ZNF429: variants seen among roughly 807,000 people sequenced by gnomAD.
ZNF429 encodes the protein zinc finger protein 429.
In ZNF429, 53 loss-of-function variants were observed where a neutral mutation model predicts 56.8. The observed-to-expected ratio is 0.93, with a 90% confidence interval of 0.75 to 1.17. ZNF429 has a LOEUF of 1.17. Ranked by LOEUF, ZNF429 falls within the 50% of genes most tolerant of loss-of-function variation. The pLI is 0.00. For missense variants in ZNF429, 849 were observed against 788.4 expected, an observed-to-expected ratio of 1.08 and a Z score of -0.92; for synonymous variants, 278 against 264.7, an observed-to-expected ratio of 1.05 and a Z score of -0.49.
intron 1 of ZNF429, among the ~76,000 whole-genome samples, chr19:21,506,520 G>A (rs2032165517): frequency 6.6e-6 from 1 of 150,818 alleles, no homozygotes; most frequent in Non-Finnish European, 1.5e-5. Flanking sequence ...AAATTGTAAA[G>A]CACCCAGCTG....
Position 21,531,127 on chromosome 19 carries a change from A to AC in ZNF429, c.226+443_226+444insC. Among the ~76,000 whole-genome samples, 3 of 104,698 alleles carry AC rather than the reference A, an allele frequency of 2.9e-5. 1 individual carries two copies. Among genetic ancestry groups the AC allele is most frequent in the African/African-American group, 1.1e-4 (3 of 27,836 alleles). The allele number at this position is 104,698 out of a possible 152,430, so 68.7% of individuals were successfully genotyped here. Reference sequence around the variant, plus strand: ...ATCTCAAAAAAAAAAAAAAAAAAAAAAACCAAAAAAAAAAAAACACCCGTC... The same window carrying AC: ...ATCTCAAAAAAAAAAAAAAAAAAAAACAACCAAAAAAAAAAAAACACCCGTC... On this transcript the variant is annotated intron_variant, in intron 3 of 3. Coordinates refer to ENST00000358491, the MANE Select transcript of ZNF429 (RefSeq NM_001001415.4).
chr19:21,532,712 T>C, intron 3 of ZNF429, among the ~76,000 whole-genome samples: 3 of 151,988 alleles, frequency 2.0e-5, no homozygotes, highest in African/African-American at 7.2e-5. Context: ...TTTTTTTTTT[T>C]TTGGAGACGG....
intron 3 of ZNF429, among the ~76,000 whole-genome samples, chr19:21,535,173 T>G: frequency 7.0e-6 from 1 of 143,020 alleles, no homozygotes; most frequent in Non-Finnish European, 1.6e-5. Context: ...ATCCTAATAG[T>G]CAGTAATCAC....
intron 1 of ZNF429, among the ~76,000 whole-genome samples, chr19:21,512,193 T>C (rs1334461207): frequency 2.6e-5 from 4 of 152,152 alleles, no homozygotes; most frequent in Non-Finnish European, 5.9e-5. Context: ...CTTCCTGATA[T>C]TGCATTGGCA....
At position 21,540,421 on chromosome 19, in the gene ZNF429, A is replaced by G. The variant is rs1256666415; in HGVS notation, c.*2343A>G. On this transcript the variant is annotated 3_prime_UTR_variant, in exon 4 of 4. Coordinates refer to ENST00000358491, the MANE Select transcript of ZNF429 (RefSeq NM_001001415.4). ...TTTTCTTATTTTTTTGTGGGTACAT[A>G]ATATGTGTATATATTTATGCAAATC... Among the ~76,000 whole-genome samples, 3 of 152,050 alleles carry G rather than the reference A, an allele frequency of 2.0e-5. No homozygotes were observed. The highest frequency in any genetic ancestry group is 4.4e-5 in the Non-Finnish European group (3 of 67,970).
chr19:21,528,138 TA>T (rs936957190), intron 1 of ZNF429, among the ~76,000 whole-genome samples: 123 of 152,312 alleles, frequency 8.1e-4, no homozygotes, highest in African/African-American at 2.9e-3. Flanking sequence ...TCTGCAATAT[TA>T]AAAATGTTCT....
At chr19:21,516,333 C>T (rs879863275) in intron 1 of ZNF429, among the ~76,000 whole-genome samples, 26 of 152,146 alleles carry the variant, frequency 1.7e-4, no homozygotes, top group Admixed American at 5.2e-4. Context: ...GTGATCCACC[C>T]GCCTCAGCCT....
At chr19:21,511,499 C>T (rs1235250624) in intron 1 of ZNF429, among the ~76,000 whole-genome samples, 9 of 151,910 alleles carry the variant, frequency 5.9e-5, no homozygotes, top group African/African-American at 1.9e-4. Flanking sequence ...CAGAGATGCT[C>T]CTCACTTCCT....
intron 1 of ZNF429, among the ~76,000 whole-genome samples, chr19:21,508,467 TC>T (rs760024378): frequency 6.6e-6 from 1 of 152,194 alleles, no homozygotes; most frequent in Non-Finnish European, 1.5e-5. Flanking sequence ...ACATCTGTTT[TC>T]TTATCAGCAC....
intron 1 of ZNF429, 99 bp downstream of exon 1, chr19:21,505,873 C>T: frequency 8.2e-6 from 11 of 1,342,322 alleles, no homozygotes; most frequent in African/African-American, 1.5e-5. Context: ...CAGTCAGCTC[C>T]ACAATCTGCG....
intron 3 of ZNF429, among the ~76,000 whole-genome samples, chr19:21,531,368 C>T: frequency 6.6e-6 from 1 of 152,078 alleles, no homozygotes; most frequent in African/African-American, 2.4e-5. Context: ...AGGCTTACCT[C>T]CTGAGGCCAG....
chr19:21,506,467 G>A (rs1048676715), intron 1 of ZNF429, among the ~76,000 whole-genome samples: 3 of 146,688 alleles, frequency 2.0e-5, no homozygotes, highest in Non-Finnish European at 3.0e-5. Context: ...AAAAAGGGGA[G>A]TCACTGCAAA....
chr19:21,505,694 C>T lies in ZNF429; in HGVS notation c.-78C>T, dbSNP rs985505063. The stretch of plus-strand genomic sequence containing the variant: ...TTCTGTGTCCTTTGTTCTTAGAGGC[C>T]CAGCCTGTGTGGCCCTGTGACCCGC... On this transcript the variant is annotated 5_prime_UTR_variant, in exon 1 of 4. Coordinates refer to ENST00000358491, the MANE Select transcript of ZNF429 (RefSeq NM_001001415.4). The T allele has an allele frequency of 2.9e-5, 45 of 1,534,274 alleles. No individual in the cohort carries two copies. Among genetic ancestry groups the T allele is most frequent in the Non-Finnish European group, 3.8e-5 (43 of 1,117,450 alleles).
chr19:21,507,422 C>G (rs184442261), intron 1 of ZNF429: 1 of 152,140 alleles, frequency 6.6e-6, no homozygotes, highest in Non-Finnish European at 1.5e-5. Flanking sequence ...GATTTGTTTT[C>G]TGTTTATAAA....
chr19:21,533,705 G>C, intron 3 of ZNF429, among the ~76,000 whole-genome samples: 25 of 151,394 alleles, frequency 1.7e-4, no homozygotes, highest in African/African-American at 6.1e-4. Flanking sequence ...GCCCAGGCTG[G>C]AGTGTACCGG....
chr19:21,519,655 T>G (rs2032910883), intron 1 of ZNF429, among the ~76,000 whole-genome samples: 1 of 152,206 alleles, frequency 6.6e-6, no homozygotes, highest in South Asian at 2.1e-4. Flanking sequence ...GCTGTCTTTG[T>G]CCTTGGCCCA....
chr19:21,514,818 C>A (rs1027297208), intron 1 of ZNF429, among the ~76,000 whole-genome samples: 1 of 152,034 alleles, frequency 6.6e-6, no homozygotes. Flanking sequence ...AGGCTTGTCT[C>A]GAACTCCTGA....
intron 1 of ZNF429, among the ~76,000 whole-genome samples, chr19:21,517,614 T>C (rs1039008774): frequency 2.0e-5 from 3 of 152,162 alleles, no homozygotes; most frequent in Non-Finnish European, 4.4e-5. Flanking sequence ...TAGAGCTTGT[T>C]ATTGTTCTGT....
intron 1 of ZNF429, among the ~76,000 whole-genome samples, chr19:21,525,113 G>T (rs947622672): frequency 1.3e-5 from 2 of 151,994 alleles, no homozygotes; most frequent in East Asian, 3.9e-4. Context: ...AAAAAACTTG[G>T]GCTTTATTTG....
Sources: allele counts gnomAD v4.1 joint callset (sites outside exome capture counted in the v4.1 genomes callset), GRCh38; gene constraint gnomAD v4.1.1; transcripts MANE v1.5; gene names NCBI Gene and HGNC (gene_info 2026-07-23, HGNC 2026-07-21).